SMPDL3B: variants seen among roughly 807,000 people sequenced by gnomAD.
SMPDL3B encodes the protein sphingomyelin phosphodiesterase acid like 3B.
In SMPDL3B, 31 loss-of-function variants were observed where a neutral mutation model predicts 37.9. That is an observed-to-expected ratio of 0.82 (90% CI 0.61 to 1.10). The LOEUF is 1.10. SMPDL3B is among the 50% of genes least tolerant of loss of function. The pLI, the probability that SMPDL3B is intolerant of heterozygous loss-of-function variation, is 0.00. For missense variants in SMPDL3B, 525 were observed against 597.8 expected (o/e 0.88, Z 1.27); for synonymous variants, 235 against 242.6 (o/e 0.97, Z 0.29).
chr1:27,948,571 C>T (rs150043363), intron 2 of SMPDL3B, among the ~76,000 whole-genome samples: 40 of 152,308 alleles, frequency 2.6e-4, no homozygotes, highest in African/African-American at 9.6e-4. Flanking sequence ...CTGAACCCTA[C>T]ACTTGAAGCC....
intron 1 of SMPDL3B, among the ~76,000 whole-genome samples, chr1:27,941,865 G>A (rs2090362241): frequency 1.3e-5 from 2 of 152,212 alleles, no homozygotes; most frequent in East Asian, 1.9e-4. Flanking sequence ...CTCCCACAAT[G>A]AGGAGGCTGG....
chr1:27,942,087 G>A (rs1363798624), intron 1 of SMPDL3B, among the ~76,000 whole-genome samples: 5 of 152,172 alleles, frequency 3.3e-5, no homozygotes, highest in Admixed American at 2.0e-4. Context: ...AGGCTGGAAA[G>A]TAGTTTCAGT....
chr1:27,957,379 G>C (rs1425091677), intron 7 of SMPDL3B, among the ~76,000 whole-genome samples: 5 of 152,176 alleles, frequency 3.3e-5, no homozygotes, highest in Non-Finnish European at 5.9e-5. Context: ...CTTGGCCTGT[G>C]CAACGGTAGG....
At chr1:27,949,014 C>T (rs1319147005) in intron 2 of SMPDL3B, 51 bp from the exon 3 acceptor site, 3 of 1,613,370 alleles carry the variant, frequency 1.9e-6, no homozygotes, top group East Asian at 2.2e-5. Flanking sequence ...TCCTTTTCTT[C>T]TGCTGCTTCC....
intron 1 of SMPDL3B, among the ~76,000 whole-genome samples, chr1:27,939,876 G>A (rs2090342988): frequency 6.6e-6 from 1 of 152,146 alleles, no homozygotes. Context: ...CTGGCCTCAA[G>A]TGATCCTCCC....
rs1473650517 is a variant in SMPDL3B at position 27,945,467 on chromosome 1, G to A, written c.275+22G>A. The A allele has an allele frequency of 1.3e-6, 2 of 1,596,366 alleles. No individual in the cohort carries two copies. The highest frequency in any genetic ancestry group is 2.7e-5 in the African/African-American group (2 of 74,552). ...CTGGGTGAGTACAGTTGAGGTGGCA[G>A]CTACCCTTTGCCAGGCATCTGCTAT... is the stretch of plus-strand genomic sequence containing the variant. On this transcript the variant is annotated intron_variant, in intron 2 of 7. Coordinates refer to ENST00000373894, the MANE Select transcript of SMPDL3B (RefSeq NM_014474.4). The surrounding 1 kb of genome is among the most constrained non-coding windows in gnomAD (Gnocchi z 4.0).
rs373190969 is a variant in SMPDL3B, at chr1:27,958,541, C to G, written c.1071C>G (p.Leu357=). The G allele has an allele frequency of 2.5e-6, 4 of 1,613,712 alleles. No individual in the cohort carries two copies. The highest frequency in any genetic ancestry group is 2.7e-5 in the African/African-American group (2 of 74,926). Reference sequence around the variant, plus strand: ...CTCAGGGGACGCCGCGCTGGGAGCTCGAGTACCAGCTGACCGAGGCCTATG... The same window carrying G: ...CTCAGGGGACGCCGCGCTGGGAGCTGGAGTACCAGCTGACCGAGGCCTATG... ...ANAQGTPRWE[L]EYQLTEAYGV... Residue 357 remains leucine, a synonymous_variant, in exon 8 of 8, where the codon CTC becomes CTG. Coordinates refer to ENST00000373894, the MANE Select transcript of SMPDL3B (RefSeq NM_014474.4). This position sits in a 1 kb window ranked among gnomAD's most constrained non-coding sequence, Gnocchi z 5.6.
intron 1 of SMPDL3B, among the ~76,000 whole-genome samples, chr1:27,941,773 CAG>C (rs1221488324): frequency 5.9e-5 from 9 of 152,162 alleles, no homozygotes; most frequent in Non-Finnish European, 1.0e-4. Flanking sequence ...ATGGCGTAGT[CAG>C]GGAAGAGGCC....
chr1:27,943,651 A>G (rs750334538), intron 1 of SMPDL3B, among the ~76,000 whole-genome samples: 2 of 152,188 alleles, frequency 1.3e-5, no homozygotes, highest in African/African-American at 2.4e-5. Flanking sequence ...ATCGAGAAAC[A>G]GGATGAACAG....
intron 4 of SMPDL3B, among the ~76,000 whole-genome samples, chr1:27,953,911 C>A (rs2090476175): frequency 6.6e-6 from 1 of 152,212 alleles, no homozygotes; most frequent in South Asian, 2.1e-4. Flanking sequence ...GACTTTGACC[C>A]TACTCTTCCC....
Position 27,958,970 on chromosome 1 carries a change from A to G in SMPDL3B, c.*132A>G, listed in dbSNP as rs983247337. The G allele has an allele frequency of 4.4e-4, 504 of 1,135,810 alleles. 1 individual carries two copies. The highest frequency in any genetic ancestry group is 9.0e-4 in the Middle Eastern group (3 of 3,344). The allele number at this position is 1,135,810 out of a possible 1,614,324, so 70.4% of individuals were successfully genotyped here. A position where few individuals can be genotyped will look rare whatever the true frequency, so the allele number is the denominator to read the frequency against. On this transcript the variant is annotated 3_prime_UTR_variant, in exon 8 of 8. Transcript: ENST00000373894. This position sits in a 1 kb window ranked among gnomAD's most constrained non-coding sequence, Gnocchi z 5.6. ...AATAGGACAACCGAATCAGGAAGCG[A>G]AGCCCCAGGAGCTGCAGCCATCCGT...
At position 27,935,177 on chromosome 1, in the gene SMPDL3B, C is replaced by G; in HGVS notation, c.-7C>G. On this transcript the variant is annotated 5_prime_UTR_variant, in exon 1 of 8. Coordinates refer to ENST00000373894, the MANE Select transcript of SMPDL3B (RefSeq NM_014474.4). ...ATCCCACGGCTCTGGGGAAGTGAGC[C>G]CCGAGGATGAGGCTGCTCGCCTGGC... 6.2e-7 allele frequency: 1 copy of G among 1,613,022 alleles called. No individual in the cohort carries two copies.
At chr1:27,944,042 G>A (rs1342062557) in intron 1 of SMPDL3B, among the ~76,000 whole-genome samples, 2 of 148,194 alleles carry the variant, frequency 1.3e-5, no homozygotes, top group Non-Finnish European at 3.0e-5. Context: ...AGAAACTACT[G>A]TGCCAGGCCG....
intron 3 of SMPDL3B, among the ~76,000 whole-genome samples, chr1:27,949,464 A>G (rs1217344739): frequency 6.6e-6 from 1 of 152,188 alleles, no homozygotes; most frequent in Non-Finnish European, 1.5e-5. Context: ...CTAGAGTTGC[A>G]CACAGGTGTC....
intron 1 of SMPDL3B, among the ~76,000 whole-genome samples, chr1:27,940,710 T>C (rs2090349968): frequency 6.6e-6 from 1 of 152,206 alleles, no homozygotes; most frequent in African/African-American, 2.4e-5. Context: ...ACTCAAGTTA[T>C]AGATGAATAC....
Position 27,955,979 on chromosome 1 carries a change from C to G in SMPDL3B, c.902C>G (p.Pro301Arg). 3 of 1,614,114 alleles carry G rather than the reference C, an allele frequency of 1.9e-6. No homozygotes were observed. The highest frequency in any genetic ancestry group is 2.5e-6 in the Non-Finnish European group (3 of 1,180,010). Residue 301 changes from proline to arginine, a missense_variant, in exon 7 of 8, where the codon CCT becomes CGT. Pro to Arg is a moderately radical substitution (Grantham distance 103). Coordinates refer to ENST00000373894, the MANE Select transcript of SMPDL3B (RefSeq NM_014474.4). Reference sequence around the variant, plus strand: ...CCCATAAGCGCCATGTTCATCACACCTGGAGTCACCCCATGGAAAACCACA... The same window carrying G: ...CCCATAAGCGCCATGTTCATCACACGTGGAGTCACCCCATGGAAAACCACA... ...GVPISAMFIT[P>R]GVTPWKTTLP...
intron 2 of SMPDL3B, among the ~76,000 whole-genome samples, chr1:27,947,653 GT>G (rs548126184): frequency 1.1e-4 from 12 of 106,158 alleles, no homozygotes; most frequent in Admixed American, 1.9e-4. Flanking sequence ...GTGTTTTTTT[GT>G]TTTTTTTTTT....
intron 1 of SMPDL3B, among the ~76,000 whole-genome samples, chr1:27,939,519 T>C (rs1466967035): frequency 6.6e-6 from 1 of 152,116 alleles, no homozygotes; most frequent in Non-Finnish European, 1.5e-5. Flanking sequence ...TAGCTGAGTG[T>C]GGTGGCATAT....
rs1638371740 is a variant in SMPDL3B, at chr1:27,958,594, T to C, written c.1124T>C (p.Met375Thr). Residue 375 changes from methionine (M) to threonine (T), a missense_variant, in exon 8 of 8, where the codon ATG (methionine) becomes ACG (threonine). Coordinates refer to ENST00000373894, the MANE Select transcript of SMPDL3B (RefSeq NM_014474.4). This position sits in a 1 kb window ranked among gnomAD's most constrained non-coding sequence, Gnocchi z 5.6. Reference sequence around the variant, plus strand: ...GTGCCGGACGCCAGCGCCCACTCCATGCACACAGTGCTGGACCGCATCGCT... The same window carrying C: ...GTGCCGGACGCCAGCGCCCACTCCACGCACACAGTGCTGGACCGCATCGCT... Reference protein sequence around the residue: ...YGVPDASAHSMHTVLDRIAGD... With the variant: ...YGVPDASAHSTHTVLDRIAGD... 2.5e-6 allele frequency: 4 copies of C among 1,613,942 alleles called. No individual in the cohort carries two copies. The highest frequency in any genetic ancestry group is 1.3e-5 in the African/African-American group (1 of 75,066).
Sources: gnomAD v4.1 joint callset for allele counts (sites outside exome capture counted in the v4.1 genomes callset) on GRCh38, gnomAD v4.1.1 for gene constraint, Gnocchi (gnomAD v3.1) non-coding constraint, MANE v1.5 for transcripts, NCBI Gene and HGNC (gene_info 2026-07-23, HGNC 2026-07-21) for gene names.